Variants in PBX4 observed in about 807,000 individuals in gnomAD.
PBX4 encodes the protein pre-B-cell leukemia transcription factor 4.
Under a neutral mutation model 35.1 loss-of-function variants are expected in PBX4, and 26 were observed. The ratio of observed to expected loss-of-function variants is 0.74; its 90% CI spans 0.54 to 1.03. The LOEUF is 1.03. PBX4 is among the 50% of genes least tolerant of loss of function. The pLI is 0.00. For missense variants in PBX4, 448 were observed against 504.3 expected (o/e 0.89, Z 1.07); for synonymous variants, 199 against 204.2 (o/e 0.97, Z 0.22).
At position 19,614,586 on chromosome 19, in the gene PBX4, AGATCGCGCCACTGCACTCCAGCCT is replaced by A. The variant is rs1383204334; in HGVS notation, c.119+3901_119+3924del. On this transcript the variant is annotated intron_variant, in intron 1 of 7. Transcript: ENST00000251203. Reference sequence around the variant, plus strand: ...GGAGGCGGAGGTTGCTCACTAGCCGAGATCGCGCCACTGCACTCCAGCCTGATCGCGCCACTGCACTCCAGCCTG... The same window carrying A: ...GGAGGCGGAGGTTGCTCACTAGCCGAGATCGCGCCACTGCACTCCAGCCTG... 1.1e-3 allele frequency among the ~76,000 whole-genome samples: 161 copies of A among 151,648 alleles called. 1 individual carries two copies. The highest frequency in any genetic ancestry group is 6.3e-3 in the Admixed American group (96 of 15,224).
intron 2 of PBX4, among the ~76,000 whole-genome samples, chr19:19,584,327 C>A (rs1017711743): frequency 6.6e-6 from 1 of 152,186 alleles, no homozygotes; most frequent in African/African-American, 2.4e-5. Context: ...CCACAGCAAA[C>A]CCCAGTCTTC....
intron 2 of PBX4, among the ~76,000 whole-genome samples, chr19:19,590,390 C>G (rs1360593649): frequency 6.6e-6 from 1 of 152,140 alleles, no homozygotes; most frequent in East Asian, 1.9e-4. Flanking sequence ...ATGTTGCAGC[C>G]TGTGCCAATA....
chr19:19,596,894 G>A lies in PBX4; in HGVS notation c.193+2398C>T, dbSNP rs140019752. Among the ~76,000 whole-genome samples, 1,396 of 146,446 alleles carry A rather than the reference G, an allele frequency of 9.5e-3. 13 individuals carry two copies. Among genetic ancestry groups the A allele is most frequent in the Middle Eastern group, 0.04 (11 of 274 alleles). Reference sequence around the variant, plus strand: ...TCACTGCCCTCCAGCCTGGGTGACAGAGTGAGACCCTGTCTCCAAAAAAAA... The same window carrying A: ...TCACTGCCCTCCAGCCTGGGTGACAAAGTGAGACCCTGTCTCCAAAAAAAA... On this transcript the variant is annotated intron_variant, in intron 2 of 7. Coordinates refer to ENST00000251203, the MANE Select transcript of PBX4 (RefSeq NM_025245.3).
At position 19,570,314 on chromosome 19, in the gene PBX4, C is replaced by T; in HGVS notation, c.442-15G>A. ...TCACGACAGGCCTGGGGTGGGAGCA[C>T]AGACACGCCGGCCTGTGACTAGGCA... On this transcript the variant is annotated splice_polypyrimidine_tract_variant and intron_variant, in intron 3 of 7. Coordinates refer to ENST00000251203, the MANE Select transcript of PBX4 (RefSeq NM_025245.3). 4 of 1,584,808 alleles carry T rather than the reference C, an allele frequency of 2.5e-6. No individual in the cohort carries two copies. Among genetic ancestry groups the T allele is most frequent in the East Asian group, 2.2e-5 (1 of 44,498 alleles).
intron 1 of PBX4, among the ~76,000 whole-genome samples, chr19:19,616,747 G>A (rs1037212295): frequency 3.3e-5 from 5 of 150,154 alleles, no homozygotes; most frequent in Non-Finnish European, 7.4e-5. Context: ...GCAGTGGTGT[G>A]ATCTCGGCTC....
chr19:19,609,791 C>T (rs2061653160), intron 1 of PBX4, among the ~76,000 whole-genome samples: 1 of 151,798 alleles, frequency 6.6e-6, no homozygotes, highest in Admixed American at 6.6e-5. Flanking sequence ...GCGGAGCTTG[C>T]AGTGAGCCGA....
intron 1 of PBX4, among the ~76,000 whole-genome samples, chr19:19,604,058 T>G (rs146992158): frequency 9.2e-4 from 140 of 152,256 alleles, no homozygotes; most frequent in African/African-American, 3.3e-3. Flanking sequence ...ATTATGATGA[T>G]TTTAAATCCT....
intron 2 of PBX4, among the ~76,000 whole-genome samples, chr19:19,583,505 C>T (rs750903234): frequency 5.9e-5 from 9 of 151,668 alleles, no homozygotes; most frequent in Non-Finnish European, 1.2e-4. Context: ...CCCAGCTACT[C>T]GAGAAGCTGA....
chr19:19,561,952 C>T lies in PBX4; in HGVS notation c.*73G>A, dbSNP rs746041669. On this transcript the variant is annotated 3_prime_UTR_variant, in exon 8 of 8. Coordinates refer to ENST00000251203, the MANE Select transcript of PBX4 (RefSeq NM_025245.3). ...GGGTTTTCTGAGGTCGTCGGCGGCACGTTCAGTAACAAAGCAACGGCTGGC... is the reference window on the plus strand; with the variant it reads ...GGGTTTTCTGAGGTCGTCGGCGGCATGTTCAGTAACAAAGCAACGGCTGGC... The T allele has an allele frequency of 3.7e-6, 5 of 1,345,490 alleles. No homozygotes were observed. Among genetic ancestry groups the T allele is most frequent in the Non-Finnish European group, 5.1e-6 (5 of 975,342 alleles). 83.3% of individuals were successfully genotyped at this position (1,345,490 alleles called of 1,614,324 possible). A position where few individuals can be genotyped will look rare whatever the true frequency, so the allele number is the denominator to read the frequency against.
intron 2 of PBX4, 58 bp from the exon 3 acceptor site, chr19:19,570,891 T>C: frequency 6.3e-7 from 1 of 1,587,216 alleles, no homozygotes; most frequent in Non-Finnish European, 8.6e-7. Context: ...AAACAAACCA[T>C]GAGAAAATGT....
intron 1 of PBX4, among the ~76,000 whole-genome samples, chr19:19,614,772 T>C (rs564522579): frequency 1.3e-5 from 2 of 151,508 alleles, no homozygotes; most frequent in East Asian, 3.9e-4. Context: ...GTGGCTCATG[T>C]TTGAAATCCT....
intron 4 of PBX4, among the ~76,000 whole-genome samples, chr19:19,569,862 A>G (rs1016548586): frequency 2.0e-5 from 3 of 152,158 alleles, no homozygotes; most frequent in African/African-American, 7.2e-5. Context: ...GTGAGTGGAG[A>G]TCGCACCACT....
chr19:19,565,303 G>T (rs959745148), intron 5 of PBX4, among the ~76,000 whole-genome samples: 7 of 152,212 alleles, frequency 4.6e-5, no homozygotes, highest in Non-Finnish European at 1.0e-4. Flanking sequence ...CCTGGAGCTG[G>T]CGTGTCTTAG....
chr19:19,561,932 TTCTGAGG>T lies in PBX4; in HGVS notation c.*86_*92del. The stretch of plus-strand genomic sequence containing the variant: ...ATGGGCACCACCACCCATCTGGGTT[TTCTGAGG>T]TCGTCGGCGGCACGTTCAGTAACAA... On this transcript the variant is annotated 3_prime_UTR_variant, in exon 8 of 8. Coordinates refer to ENST00000251203, the MANE Select transcript of PBX4 (RefSeq NM_025245.3). The T allele has an allele frequency of 8.8e-7, 1 of 1,137,066 alleles. No homozygotes were observed. Among genetic ancestry groups the T allele is most frequent in the South Asian group, 1.6e-5 (1 of 63,156 alleles). The allele number at this position is 1,137,066 out of a possible 1,614,324, so 70.4% of individuals were successfully genotyped here. A position where few individuals can be genotyped will look rare whatever the true frequency, so the allele number is the denominator to read the frequency against.
chr19:19,562,882 C>T lies in PBX4; in HGVS notation c.1032+627G>A, dbSNP rs2061316586. Among the ~76,000 whole-genome samples the T allele has an allele frequency of 6.6e-6, 1 of 152,178 alleles. No homozygotes were observed. Among genetic ancestry groups the T allele is most frequent in the Non-Finnish European group, 1.5e-5 (1 of 68,020 alleles). ...ATGGGGGGCAGCTGCCACAGCAGGA[C>T]AGTGTGGGACGTGTGCTTCCCAGGA... On this transcript the variant is annotated intron_variant, in intron 7 of 7. Coordinates refer to ENST00000251203, the MANE Select transcript of PBX4 (RefSeq NM_025245.3). This position sits in a 1 kb window ranked among gnomAD's most constrained non-coding sequence, Gnocchi z 4.8.
chr19:19,618,669 A>G lies in PBX4; in HGVS notation c.-40T>C, dbSNP rs2061701544. On this transcript the variant is annotated 5_prime_UTR_variant, in exon 1 of 8. Coordinates refer to ENST00000251203, the MANE Select transcript of PBX4 (RefSeq NM_025245.3). ...GGCGGGCGCTGTGAGGGTGCCGTCG[A>G]GCCTGGAGCACTACCACTGGCGCCG... 8.4e-7 allele frequency: 1 copy of G among 1,187,238 alleles called. No homozygotes were observed. The highest frequency in any genetic ancestry group is 1.0e-6 in the Non-Finnish European group (1 of 959,250). 73.5% of individuals were successfully genotyped at this position (1,187,238 alleles called of 1,614,324 possible).
rs185330828 is a variant in PBX4, at chr19:19,602,529, C to T, written c.120-3164G>A. Among the ~76,000 whole-genome samples the T allele has an allele frequency of 4.0e-3, 604 of 152,222 alleles. 6 individuals carry two copies. Among genetic ancestry groups the T allele is most frequent in the Non-Finnish European group, 6.6e-3 (452 of 67,998 alleles). ...CTGCAGTGGCCATGCTGTGCCCGAA[C>T]TCAAGCAATCCTCCCGCCTCAGCTC... On this transcript the variant is annotated intron_variant, in intron 1 of 7. Coordinates refer to ENST00000251203, the MANE Select transcript of PBX4 (RefSeq NM_025245.3).
chr19:19,577,494 G>A (rs1466944552), intron 2 of PBX4, among the ~76,000 whole-genome samples: 2 of 152,162 alleles, frequency 1.3e-5, no homozygotes, highest in Admixed American at 6.5e-5. Flanking sequence ...TGTCACCCTC[G>A]GGCCCTGTGG....
chr19:19,562,198 T>G lies in PBX4; in HGVS notation c.1033-81A>C. The G allele has an allele frequency of 1.9e-6, 2 of 1,038,998 alleles. No individual in the cohort carries two copies. Among genetic ancestry groups the G allele is most frequent in the Non-Finnish European group, 2.8e-6 (2 of 717,126 alleles). 64.4% of individuals were successfully genotyped at this position (1,038,998 alleles called of 1,614,324 possible). ...CAGCCCACGTGCTGCAGGCGGAGCC[T>G]CCAGGGGTCCCTGGGAAGGCTTGGA... On this transcript the variant is annotated intron_variant, in intron 7 of 7. Coordinates refer to ENST00000251203, the MANE Select transcript of PBX4 (RefSeq NM_025245.3). The surrounding 1 kb of genome is among the most constrained non-coding windows in gnomAD (Gnocchi z 4.8).
Sources: gnomAD v4.1 joint callset for allele counts (sites outside exome capture counted in the v4.1 genomes callset) on GRCh38, gnomAD v4.1.1 for gene constraint, Gnocchi (gnomAD v3.1) non-coding constraint, MANE v1.5 for transcripts, NCBI Gene and HGNC (gene_info 2026-07-23, HGNC 2026-07-21) for gene names.